The following ARHGAP24 variants were observed in gnomAD, a reference collection of about 807,000 sequenced individuals.
ARHGAP24 encodes the protein Rho GTPase activating protein 24.
ARHGAP24 carries 50 observed loss-of-function variants against 76.4 expected under a neutral mutation model. That is an observed-to-expected ratio of 0.65 (90% CI 0.52 to 0.83). The LOEUF (loss-of-function observed/expected upper bound fraction) is 0.83. ARHGAP24 is among the 40% of genes least tolerant of loss of function. The pLI, the probability that ARHGAP24 is intolerant of heterozygous loss-of-function variation, is 0.00. For synonymous variants in ARHGAP24, 345 were observed against 323.3 expected (o/e 1.07, Z -0.72); for missense variants, 930 against 914.2 (o/e 1.02, Z -0.22).
chr4:85,952,414 T>G (rs1424944401), intron 5 of ARHGAP24, among the ~76,000 whole-genome samples: 1 of 152,242 alleles, frequency 6.6e-6, no homozygotes, highest in African/African-American at 2.4e-5. Flanking sequence ...GAGCATGTAT[T>G]CATACATCTG....
rs1474974737 is a variant in ARHGAP24 at position 85,668,128 on chromosome 4, A to G, written c.181-53757A>G. On this transcript the variant is annotated intron_variant, in intron 2 of 9. Coordinates refer to ENST00000395184, the MANE Select transcript of ARHGAP24 (RefSeq NM_001025616.3). ...ACTTTTTGATAGGCTGAAAAACAAGAAACAGAAGAAGTCAGAGTATAATGA... is the reference window on the plus strand; with the variant it reads ...ACTTTTTGATAGGCTGAAAAACAAGGAACAGAAGAAGTCAGAGTATAATGA... Among the ~76,000 whole-genome samples, 10 of 152,220 alleles carry G rather than the reference A, an allele frequency of 6.6e-5. No individual in the cohort carries two copies. The South Asian group carries it at 8.3e-4, about 13-fold the overall frequency.
chr4:85,719,146 A>G (rs1056429853), intron 2 of ARHGAP24, among the ~76,000 whole-genome samples: 3 of 152,220 alleles, frequency 2.0e-5, no homozygotes, highest in African/African-American at 7.2e-5. Flanking sequence ...TATTTTTACC[A>G]CATTATGTAG....
At chr4:85,527,900 C>A (rs1323871348) in intron 1 of ARHGAP24, among the ~76,000 whole-genome samples, 1 of 152,072 alleles carries the variant, frequency 6.6e-6, no homozygotes, top group East Asian at 1.9e-4. Context: ...TTAATTTCTT[C>A]CTCTGATTTC....
chr4:85,979,509 G>A (rs1054833414), intron 8 of ARHGAP24, among the ~76,000 whole-genome samples: 1 of 151,902 alleles, frequency 6.6e-6, no homozygotes, highest in Non-Finnish European at 1.5e-5. Context: ...CCAGGCCCTG[G>A]CAACTACCCT....
intron 7 of ARHGAP24, chr4:85,975,572 A>G (rs1739269779): frequency 6.5e-6 from 1 of 153,086 alleles, no homozygotes; most frequent in Non-Finnish European, 1.5e-5. Context: ...TGGAAAATAT[A>G]CCTCTCAATG....
At chr4:85,749,945 T>TCAGCAG (rs1305573652) in intron 3 of ARHGAP24, among the ~76,000 whole-genome samples, 1 of 151,648 alleles carries the variant, frequency 6.6e-6, no homozygotes, top group Non-Finnish European at 1.5e-5. Flanking sequence ...CTCTGTGGTC[T>TCAGCAG]CAGCAGCAGC....
intron 1 of ARHGAP24, among the ~76,000 whole-genome samples, chr4:85,565,251 T>C (rs1441764899): frequency 6.6e-6 from 1 of 152,128 alleles, no homozygotes. Context: ...TCTGCAGTTA[T>C]ATACTGTGTA....
intron 3 of ARHGAP24, among the ~76,000 whole-genome samples, chr4:85,866,825 C>T (rs1732225226): frequency 2.6e-5 from 4 of 152,186 alleles, no homozygotes; most frequent in Non-Finnish European, 2.9e-5. Context: ...GACTCCCTCA[C>T]TATGGTTGGA....
intron 2 of ARHGAP24, among the ~76,000 whole-genome samples, chr4:85,644,556 T>A (rs554618537): frequency 1.1e-3 from 168 of 152,248 alleles, no homozygotes; most frequent in African/African-American, 3.9e-3. Flanking sequence ...GAAAATTTAT[T>A]CTTAAGATAG....
chr4:85,754,521 A>G (rs1051334352), intron 3 of ARHGAP24, among the ~76,000 whole-genome samples: 3 of 152,218 alleles, frequency 2.0e-5, no homozygotes, highest in African/African-American at 4.8e-5. Flanking sequence ...AGACTCTTCT[A>G]TGGAAAGACA....
intron 3 of ARHGAP24, among the ~76,000 whole-genome samples, chr4:85,765,828 C>T (rs1227877951): frequency 1.3e-5 from 2 of 152,098 alleles, no homozygotes; most frequent in Admixed American, 6.5e-5. Context: ...TTTTAAAACA[C>T]GAGATCTCAC....
At chr4:85,680,750 T>TC (rs1723174663) in intron 2 of ARHGAP24, among the ~76,000 whole-genome samples, 1 of 149,872 alleles carries the variant, frequency 6.7e-6, no homozygotes, top group South Asian at 2.1e-4. Flanking sequence ...TTTGCATTAT[T>TC]CCCCATTTTA....
At chr4:85,752,397 G>A (rs1320148229) in intron 3 of ARHGAP24, among the ~76,000 whole-genome samples, 1 of 152,092 alleles carries the variant, frequency 6.6e-6, no homozygotes, top group African/African-American at 2.4e-5. Context: ...ACAACTCCAT[G>A]AAGCACACAT....
intron 2 of ARHGAP24, chr4:85,604,383 C>A (rs886409672): frequency 7.9e-5 from 12 of 152,106 alleles, no homozygotes; most frequent in African/African-American, 2.9e-4. Flanking sequence ...TGAAAAATCC[C>A]TTTATTTAAT....
intron 5 of ARHGAP24, among the ~76,000 whole-genome samples, chr4:85,956,418 G>A (rs375506317): frequency 6.8e-4 from 104 of 152,258 alleles, no homozygotes; most frequent in Non-Finnish European, 7.2e-4. Flanking sequence ...TTACCCGGGG[G>A]TTCTTGCTCC....
At chr4:85,582,017 C>T (rs1312605741) in intron 2 of ARHGAP24, among the ~76,000 whole-genome samples, 1 of 152,074 alleles carries the variant, frequency 6.6e-6, no homozygotes, top group East Asian at 1.9e-4. Context: ...TGTGTAGCCC[C>T]ACAAAAGTTC....
intron 8 of ARHGAP24, among the ~76,000 whole-genome samples, chr4:85,985,824 C>A (rs1203043684): frequency 6.6e-6 from 1 of 152,186 alleles, no homozygotes; most frequent in Admixed American, 6.5e-5. Flanking sequence ...ATCAAATATA[C>A]TCTAAAGCTG....
intron 2 of ARHGAP24, among the ~76,000 whole-genome samples, chr4:85,628,531 G>A (rs1721051505): frequency 6.6e-6 from 1 of 152,120 alleles, no homozygotes; most frequent in African/African-American, 2.4e-5. Context: ...CTGTGGCGGT[G>A]TTCACATCCA....
intron 3 of ARHGAP24, among the ~76,000 whole-genome samples, chr4:85,780,006 GCT>G (rs1311891995): frequency 1.3e-5 from 2 of 152,094 alleles, no homozygotes; most frequent in East Asian, 1.9e-4. Context: ...TATGTTTTGA[GCT>G]CTCTCTGGAG....
Sources: allele counts gnomAD v4.1 joint callset (sites outside exome capture counted in the v4.1 genomes callset), GRCh38; gene constraint gnomAD v4.1.1; transcripts MANE v1.5; gene names NCBI Gene and HGNC (gene_info 2026-07-23, HGNC 2026-07-21).